The following VPS26A variants were observed in gnomAD, a reference collection of about 807,000 sequenced individuals.
VPS26A encodes the protein VPS26 retromer complex component A, also known as vacuolar protein sorting-associated protein 26A.
In VPS26A, 22 loss-of-function variants were observed where a neutral mutation model predicts 42.4. The observed-to-expected ratio is 0.52, with a 90% CI of 0.37 to 0.74. The LOEUF is 0.74. VPS26A is among the 30% of genes least tolerant of loss of function. The pLI is 0.00. For missense variants in VPS26A, 276 were observed against 379.2 expected (o/e 0.73, Z 2.26); for synonymous variants, 110 against 123.5 (o/e 0.89, Z 0.73).
At chr10:69,134,414 A>C (rs1196880713) in intron 2 of VPS26A, among the ~76,000 whole-genome samples, 2 of 152,318 alleles carry the variant, frequency 1.3e-5, no homozygotes, top group South Asian at 4.1e-4. Flanking sequence ...TCCTTAGAAT[A>C]GATTGCTGAA....
At chr10:69,139,976 C>G (rs1420074002) in intron 2 of VPS26A, among the ~76,000 whole-genome samples, 1 of 151,634 alleles carries the variant, frequency 6.6e-6, no homozygotes, top group African/African-American at 2.4e-5. Context: ...AAATGCCATT[C>G]TGTTCCTTCT....
chr10:69,173,085 C>T lies in VPS26A; in HGVS notation c.*1816C>T, dbSNP rs907561200. Among the ~76,000 whole-genome samples the T allele has an allele frequency of 1.3e-5, 2 of 152,146 alleles. No homozygotes were observed. The highest frequency in any genetic ancestry group is 4.8e-5 in the African/African-American group (2 of 41,436). On this transcript the variant is annotated 3_prime_UTR_variant, in exon 9 of 9. Coordinates refer to ENST00000263559, the MANE Select transcript of VPS26A (RefSeq NM_004896.5). Reference sequence around the variant, plus strand: ...GGATGCCTATCCGTTTTGCTCAAGACTTTTTGTAGCATAACCAATTTGAAA... The same window carrying T: ...GGATGCCTATCCGTTTTGCTCAAGATTTTTTGTAGCATAACCAATTTGAAA...
intron 2 of VPS26A, among the ~76,000 whole-genome samples, chr10:69,151,875 A>G (rs12268927): frequency 0.042 from 6,354 of 152,314 alleles, 467 homozygotes; most frequent in African/African-American, 0.14. Flanking sequence ...AAATTACTGC[A>G]TGGCTTTTGA....
rs138652679 is a variant in VPS26A, at chr10:69,125,082, C to T, written c.3+802C>T. Among the ~76,000 whole-genome samples, 554 of 152,230 alleles carry T rather than the reference C, an allele frequency of 3.6e-3. 2 individuals carry two copies. Among genetic ancestry groups the T allele is most frequent in the Non-Finnish European group, 6.1e-3 (415 of 68,014 alleles). On this transcript the variant is annotated intron_variant, in intron 1 of 8. Transcript: ENST00000263559. ...GTCTCTAGGTTAGATCTCATTTTAC[C>T]CATTTTCTGGTAGTAGTCGTCAGTT...
chr10:69,133,491 C>T (rs1185761816), intron 2 of VPS26A: 7 of 1,138,918 alleles, frequency 6.1e-6, no homozygotes, highest in Non-Finnish European at 8.1e-6. Flanking sequence ...TAACTTACCT[C>T]TCTGTACTGC....
At chr10:69,160,128 A>ACG (rs1491243257) in intron 5 of VPS26A, among the ~76,000 whole-genome samples, 1 of 2,392 alleles carries the variant, frequency 4.2e-4, no homozygotes, top group Non-Finnish European at 0.026. Context: ...CATAATTTTT[A>ACG]CACACACACA....
chr10:69,167,423 C>CAAA (rs1299767647), intron 7 of VPS26A, among the ~76,000 whole-genome samples: 1 of 110,842 alleles, frequency 9.0e-6, no homozygotes, highest in South Asian at 3.3e-4. Context: ...GATCCTGCCT[C>CAAA]AAAAAAAAGA....
At chr10:69,133,761 C>T (rs75393360) in intron 2 of VPS26A, 6,277 of 416,968 alleles carry the variant, frequency 0.015, 69 homozygotes, top group Non-Finnish European at 0.022. Context: ...TGGCTTACTG[C>T]ATGCGGCCTT....
intron 2 of VPS26A, among the ~76,000 whole-genome samples, chr10:69,145,019 T>C (rs1027204998): frequency 6.6e-6 from 1 of 151,996 alleles, no homozygotes; most frequent in Non-Finnish European, 1.5e-5. Context: ...CCTATAAATG[T>C]TATTTAATTA....
intron 2 of VPS26A, among the ~76,000 whole-genome samples, chr10:69,143,233 C>G (rs528797748): frequency 6.4e-4 from 98 of 152,298 alleles, no homozygotes; most frequent in African/African-American, 2.2e-3. Context: ...ACTGGAAGAT[C>G]TAGCCTTAAC....
intron 2 of VPS26A, among the ~76,000 whole-genome samples, chr10:69,136,260 TTTTC>T (rs772177706): frequency 5.5e-5 from 8 of 146,506 alleles, no homozygotes; most frequent in Non-Finnish European, 1.2e-4. Context: ...GTCATTTTTC[TTTTC>T]TTTTCTTTTT....
chr10:69,149,130 A>G (rs1841232464), intron 2 of VPS26A, among the ~76,000 whole-genome samples: 1 of 152,172 alleles, frequency 6.6e-6, no homozygotes, highest in Non-Finnish European at 1.5e-5. Context: ...GTATCTGCAC[A>G]CAAATTATTC....
At chr10:69,130,525 TTGTGTG>T (rs1840751995) in intron 1 of VPS26A, among the ~76,000 whole-genome samples, 1 of 152,202 alleles carries the variant, frequency 6.6e-6, no homozygotes, top group South Asian at 2.1e-4. Flanking sequence ...AGAGAATACA[TTGTGTG>T]TGTGTCTGTT....
At chr10:69,133,766 G>T (rs1388550804) in intron 2 of VPS26A, 1 of 389,592 alleles carries the variant, frequency 2.6e-6, no homozygotes, top group Non-Finnish European at 4.8e-6. Flanking sequence ...TACTGCATGC[G>T]GCCTTGTACT....
At chr10:69,161,871 C>T in intron 5 of VPS26A, 1 of 235,220 alleles carries the variant, frequency 4.3e-6, no homozygotes, top group African/African-American at 2.3e-5. Flanking sequence ...TAGTAACGTC[C>T]CTTATACCTC....
At chr10:69,165,660 CTT>C (rs1841669146) in intron 6 of VPS26A, among the ~76,000 whole-genome samples, 1 of 151,850 alleles carries the variant, frequency 6.6e-6, no homozygotes, top group Non-Finnish European at 1.5e-5. Flanking sequence ...AAATACAAAA[CTT>C]AGCCAGGCAT....
intron 2 of VPS26A, among the ~76,000 whole-genome samples, chr10:69,145,559 TC>T (rs1841138773): frequency 6.6e-6 from 1 of 152,194 alleles, no homozygotes; most frequent in African/African-American, 2.4e-5. Context: ...AATGTATTTT[TC>T]TTCTGTATGG....
At chr10:69,163,691 A>G (rs918983408) in intron 6 of VPS26A, among the ~76,000 whole-genome samples, 2 of 152,170 alleles carry the variant, frequency 1.3e-5, no homozygotes, top group Non-Finnish European at 2.9e-5. Context: ...TGTATGATGG[A>G]ATGTTTACAT....
chr10:69,163,189 G>A (rs1035084726), intron 6 of VPS26A, among the ~76,000 whole-genome samples: 2 of 152,068 alleles, frequency 1.3e-5, no homozygotes, highest in African/African-American at 4.8e-5. Flanking sequence ...GGTTGTTTCC[G>A]GTCTTTTGCT....
Sources: gnomAD v4.1 joint callset for allele counts (sites outside exome capture counted in the v4.1 genomes callset) on GRCh38, gnomAD v4.1.1 for gene constraint, MANE v1.5 for transcripts, NCBI Gene and HGNC (gene_info 2026-07-23, HGNC 2026-07-21) for gene names.